GRIN1: variants seen among roughly 807,000 people sequenced by gnomAD.
GRIN1 encodes the protein glutamate ionotropic receptor NMDA type subunit 1.
In GRIN1, 38 loss-of-function variants were observed where a neutral mutation model predicts 103.0. That is an observed-to-expected ratio of 0.37 (90% CI 0.28 to 0.48). GRIN1 has a LOEUF of 0.48. GRIN1 is among the 20% of genes least tolerant of loss of function. The probability of loss-of-function intolerance (pLI) is 0.98; values close to 1 mark genes in which losing one functional copy is unlikely to be tolerated. For synonymous variants in GRIN1, 544 were observed against 532.7 expected (o/e 1.02, Z -0.29); for missense variants, 577 against 1,288.9 (o/e 0.45, Z 8.46).
At position 137,156,803 on chromosome 9, in the gene GRIN1, C is replaced by T. The variant is rs1833252219; in HGVS notation, c.793+13C>T. The T allele has an allele frequency of 2.5e-6, 4 of 1,598,390 alleles. No individual in the cohort carries two copies. The highest frequency in any genetic ancestry group is 3.4e-6 in the Non-Finnish European group (4 of 1,173,266). On this transcript the variant is annotated intron_variant, in intron 5 of 19. Transcript: ENST00000371561. ...TACGCCCCAGACGGTGAGTGCTGGG[C>T]CTTGGCGGGGTCCCCGAACGGGGAG...
At chr9:137,152,301 G>A (rs531572588) in intron 4 of GRIN1, among the ~76,000 whole-genome samples, 21 of 152,330 alleles carry the variant, frequency 1.4e-4, no homozygotes, top group Non-Finnish European at 2.4e-4. Context: ...GGGATAAAAG[G>A]ATGGATGGGC....
chr9:137,145,089 G>GA (rs1832436785), intron 2 of GRIN1, among the ~76,000 whole-genome samples: 1 of 15,234 alleles, frequency 6.6e-5, no homozygotes, highest in Non-Finnish European at 1.3e-4. Context: ...GTGGGGACCG[G>GA]GGTGAGAGGA....
At chr9:137,165,026 T>G in intron 18 of GRIN1, 160 bp from the exon 19 acceptor site, 1 of 690,186 alleles carries the variant, frequency 1.4e-6, no homozygotes, top group South Asian at 1.5e-5. Flanking sequence ...GAGGCCACCC[T>G]CGAACGTCCG....
chr9:137,161,036 G>C lies in GRIN1; in HGVS notation c.1198-20G>C. 6.2e-7 allele frequency: 1 copy of C among 1,612,374 alleles called. No homozygotes were observed. The highest frequency in any genetic ancestry group is 8.5e-7 in the Non-Finnish European group (1 of 1,179,686). On this transcript the variant is annotated intron_variant, in intron 8 of 19. Coordinates refer to ENST00000371561, the MANE Select transcript of GRIN1 (RefSeq NM_007327.4). ...AGCCTTAGGTCGGTGGTCCAGGCTG[G>C]GTCTCCCCTTCCCCCCCAGATTGTG...
rs996336725 is a variant in GRIN1, at chr9:137,146,212, G to A, written c.570+310G>A. On this transcript the variant is annotated intron_variant, in intron 3 of 19. Coordinates refer to ENST00000371561, the MANE Select transcript of GRIN1 (RefSeq NM_007327.4). This position sits in a 1 kb window ranked among gnomAD's most constrained non-coding sequence, Gnocchi z 6.7. ...TGCCCATGCCCCTCGCTCCCTGGAG[G>A]CCCCAGCCGGGCTTGGGACTCGTCA... 3.3e-5 allele frequency among the ~76,000 whole-genome samples: 5 copies of A among 152,008 alleles called. No individual in the cohort carries two copies. The highest frequency in any genetic ancestry group is 2.0e-4 in the Admixed American group (3 of 15,276).
At chr9:137,158,576 A>G in intron 7 of GRIN1, 45 bp from the exon 8 acceptor site, 1 of 1,608,192 alleles carries the variant, frequency 6.2e-7, no homozygotes, top group East Asian at 2.2e-5. Flanking sequence ...TCCTGGGGCC[A>G]AGACCCCTGC....
chr9:137,161,219 C>G, intron 9 of GRIN1, 22 bp downstream of exon 9: 1 of 1,603,440 alleles, frequency 6.2e-7, no homozygotes, highest in Non-Finnish European at 8.5e-7. Context: ...GGGCAGGGCG[C>G]GGGGCGCGGG....
At position 137,139,658 on chromosome 9, in the gene GRIN1, A is replaced by T. The variant is rs1377456941; in HGVS notation, c.172A>T (p.Ile58Phe). ...CAACAAGCGGCACGGCTCCTGGAAG[A>T]TTCAGCTCAATGCCACCTCCGTCAC... The part of the protein sequence containing the change: ...QANKRHGSWK[I>F]QLNATSVTHK... Residue 58 changes from isoleucine (I) to phenylalanine (F), a missense_variant, in exon 1 of 20, where the codon ATT (isoleucine) becomes TTT (phenylalanine). Physicochemically the swap from Ile to Phe is conservative, Grantham distance 21. Around this residue, in one of 9 missense-constraint regions of GRIN1, gnomAD observed 308 missense variants for 553.6 expected, o/e 0.56. Coordinates refer to ENST00000371561, the MANE Select transcript of GRIN1 (RefSeq NM_007327.4). The surrounding 1 kb of genome is among the most constrained non-coding windows in gnomAD (Gnocchi z 7.7). 1 of 1,613,760 alleles carries T rather than the reference A, an allele frequency of 6.2e-7. No homozygotes were observed. Among genetic ancestry groups the T allele is most frequent in the Non-Finnish European group, 8.5e-7 (1 of 1,179,928 alleles).
At chr9:137,165,930 G>T (rs372501021) in intron 19 of GRIN1, among the ~76,000 whole-genome samples, 1 of 152,202 alleles carries the variant, frequency 6.6e-6, no homozygotes, top group African/African-American at 2.4e-5. Context: ...CTGGGTGGAC[G>T]GCTGGGGCCT....
In GRIN1 at chr9:137,168,701, G is replaced by T; in HGVS notation, c.*1174G>T. The T allele has an allele frequency of 1.7e-6, 1 of 580,310 alleles. No individual in the cohort carries two copies. Among genetic ancestry groups the T allele is most frequent in the African/African-American group, 2.0e-5 (1 of 51,008 alleles). The allele number at this position is 580,310 out of a possible 1,614,324, so 35.9% of individuals were successfully genotyped here. A position where few individuals can be genotyped will look rare whatever the true frequency, so the allele number is the denominator to read the frequency against. On this transcript the variant is annotated 3_prime_UTR_variant, in exon 20 of 20. Coordinates refer to ENST00000371561, the MANE Select transcript of GRIN1 (RefSeq NM_007327.4). ...CGTCCCCAGGGTGCAGGCGCGCACCGCCCAACCCCCACCTCCCGGTGTATG... is the reference window on the plus strand; with the variant it reads ...CGTCCCCAGGGTGCAGGCGCGCACCTCCCAACCCCCACCTCCCGGTGTATG...
rs1833537710 is a variant in GRIN1 at position 137,161,469 on chromosome 9, G to T, written c.1467+53G>T. ...AGCGTGAGAGGGGCCTGCAGGCGCG[G>T]TCGGAGTGGGTGGGGCATGGAGTAG... On this transcript the variant is annotated intron_variant, in intron 10 of 19. Coordinates refer to ENST00000371561, the MANE Select transcript of GRIN1 (RefSeq NM_007327.4). 2.0e-5 allele frequency: 31 copies of T among 1,556,666 alleles called. No homozygotes were observed. The South Asian group carries it at 3.3e-4, about 17-fold the overall frequency.
chr9:137,167,327 C>T, intron 19 of GRIN1, 84 bp from the exon 20 acceptor site: 1 of 1,076,818 alleles, frequency 9.3e-7, no homozygotes. Flanking sequence ...CCGGTCCGGG[C>T]CAGGGCGGCA....
In GRIN1 at chr9:137,168,481, G is replaced by A. The variant is rs201748131; in HGVS notation, c.*954G>A. 9.8e-5 allele frequency: 19 copies of A among 193,076 alleles called. No homozygotes were observed. The highest frequency in any genetic ancestry group is 1.9e-4 in the Non-Finnish European group (18 of 96,352). The allele number at this position is 193,076 out of a possible 1,614,324, so 12.0% of individuals were successfully genotyped here. A position where few individuals can be genotyped will look rare whatever the true frequency, so the allele number is the denominator to read the frequency against. On this transcript the variant is annotated 3_prime_UTR_variant, in exon 20 of 20. Coordinates refer to ENST00000371561, the MANE Select transcript of GRIN1 (RefSeq NM_007327.4). ...CCTGCAGCCCAGAACGGGCCTCCCC[G>A]GGGGTCCCCGGACGCTGGCTCGGGA...
At chr9:137,140,789 T>C (rs1832126254) in intron 1 of GRIN1, among the ~76,000 whole-genome samples, 1 of 152,242 alleles carries the variant, frequency 6.6e-6, no homozygotes, top group East Asian at 1.9e-4. Flanking sequence ...TACGGGTCTT[T>C]GCCAAGCACC....
chr9:137,163,199 G>C lies in GRIN1; in HGVS notation c.2202G>C (p.Ala734=). Residue 734 remains alanine, a synonymous_variant, in exon 16 of 20, where the codon GCG becomes GCC. Transcript: ENST00000371561. The part of the protein sequence containing the change: ...NKLHAFIWDS[A]VLEFEASQKC... ...TGCATGCCTTCATCTGGGACTCGGC[G>C]GTGCTGGAGTTCGAGGCCTCGCAGA... 1 of 1,613,494 alleles carries C rather than the reference G, an allele frequency of 6.2e-7. No individual in the cohort carries two copies. The highest frequency in any genetic ancestry group is 8.5e-7 in the Non-Finnish European group (1 of 1,179,918).
chr9:137,149,179 C>A, intron 4 of GRIN1, 70 bp downstream of exon 4: 1 of 1,064,350 alleles, frequency 9.4e-7, no homozygotes, highest in Non-Finnish European at 1.4e-6. Context: ...CCATCTGAGC[C>A]AGAGCTGGGA....
At chr9:137,149,998 G>A (rs578108626) in intron 4 of GRIN1, among the ~76,000 whole-genome samples, 21 of 152,296 alleles carry the variant, frequency 1.4e-4, no homozygotes, top group East Asian at 5.8e-4. Flanking sequence ...AGGGCAGAAC[G>A]CAGGGTGGGG....
intron 18 of GRIN1, 165 bp from the exon 19 acceptor site, chr9:137,165,021 C>T: frequency 3.0e-6 from 2 of 674,210 alleles, no homozygotes; most frequent in Non-Finnish European, 5.4e-6. Context: ...GAGAAGAGGC[C>T]ACCCTCGAAC....
intron 4 of GRIN1, among the ~76,000 whole-genome samples, chr9:137,155,642 C>T (rs1012361544): frequency 1.3e-5 from 2 of 152,220 alleles, no homozygotes; most frequent in Non-Finnish European, 2.9e-5. Flanking sequence ...ACAGGTCAGG[C>T]CCTGCAGAGA....
Sources: allele counts gnomAD v4.1 joint callset (sites outside exome capture counted in the v4.1 genomes callset), GRCh38; gene constraint gnomAD v4.1.1; regional missense constraint gnomAD v4.1.1; non-coding constraint Gnocchi (gnomAD v3.1); transcripts MANE v1.5; gene names NCBI Gene and HGNC (gene_info 2026-07-23, HGNC 2026-07-21).